Variants in SLC7A6 observed in about 807,000 individuals in gnomAD.
SLC7A6 encodes the protein solute carrier family 7 member 6.
SLC7A6 carries 29 observed loss-of-function variants against 46.6 expected under a neutral mutation model. The observed-to-expected ratio is 0.62, with a 90% CI of 0.46 to 0.85. The LOEUF (loss-of-function observed/expected upper bound fraction) is 0.85, where lower values mean the gene tolerates loss of function less well. Ranked by LOEUF, SLC7A6 falls within the 40% of genes least tolerant of loss-of-function variation. SLC7A6 has a pLI of 0.00. For synonymous variants in SLC7A6, 276 were observed against 257.3 expected (o/e 1.07, Z -0.70); for missense variants, 527 against 647.6 (o/e 0.81, Z 2.02).
chr16:68,287,136 C>G (rs959854531), intron 3 of SLC7A6, among the ~76,000 whole-genome samples: 4 of 151,938 alleles, frequency 2.6e-5, no homozygotes, highest in South Asian at 2.1e-4. Context: ...CACCACCACG[C>G]CCAGCTAATT....
chr16:68,266,810 CAG>C (rs1466531977), intron 2 of SLC7A6, 89 bp downstream of exon 2: 1 of 152,092 alleles, frequency 6.6e-6, no homozygotes, highest in Non-Finnish European at 1.5e-5. Context: ...TACTAGTAAA[CAG>C]AATGGCTTAC....
rs1300352556 is a variant in SLC7A6, at chr16:68,301,058, T to C, written c.*3730T>C. On this transcript the variant is annotated 3_prime_UTR_variant, in exon 11 of 11. Transcript: ENST00000219343. ...TTTTCTTTCAAACTGTAGGGTCACT[T>C]TTGATTGAGGCAAAGGGGTCCTACT... 8 of 1,223,390 alleles carry C rather than the reference T, an allele frequency of 6.5e-6. No individual in the cohort carries two copies. The highest frequency in any genetic ancestry group is 1.6e-5 in the African/African-American group (1 of 64,270). The allele number at this position is 1,223,390 out of a possible 1,614,324, so 75.8% of individuals were successfully genotyped here.
At position 68,264,635 on chromosome 16, in the gene SLC7A6, C is replaced by T. The variant is rs1365972583; in HGVS notation, c.-166+59C>T. ...AGCGGGGCCGGGGCTGGGCCGCGTT[C>T]TGTGGGAGCCGAACCCTGTGGGTCT... On this transcript the variant is annotated intron_variant, in intron 1 of 10. Transcript: ENST00000219343. This position sits in a 1 kb window ranked among gnomAD's most constrained non-coding sequence, Gnocchi z 5.8. 1 of 152,332 alleles carries T rather than the reference C, an allele frequency of 6.6e-6. No homozygotes were observed. Among genetic ancestry groups the T allele is most frequent in the Non-Finnish European group, 1.5e-5 (1 of 68,100 alleles). The allele number at this position is 152,332 out of a possible 1,614,324, so 9.4% of individuals were successfully genotyped here. A position where few individuals can be genotyped will look rare whatever the true frequency, so the allele number is the denominator to read the frequency against.
chr16:68,301,316 CCTT>C lies in SLC7A6; in HGVS notation c.*3991_*3993del, dbSNP rs747445254. 1.7e-5 allele frequency: 27 copies of C among 1,614,164 alleles called. No individual in the cohort carries two copies. The highest frequency in any genetic ancestry group is 2.2e-5 in the East Asian group (1 of 44,878). ...TCGTGGGGGCTGTCATAGCCGAACT[CCTT>C]CTGCACATCCAGAGGGTACTTGCTC... On this transcript the variant is annotated 3_prime_UTR_variant, in exon 11 of 11. Transcript: ENST00000219343.
In SLC7A6 at chr16:68,291,673, C is replaced by G; in HGVS notation, c.1022+12C>G. 1 of 1,608,420 alleles carries G rather than the reference C, an allele frequency of 6.2e-7. No homozygotes were observed. The highest frequency in any genetic ancestry group is 8.5e-7 in the Non-Finnish European group (1 of 1,175,020). On this transcript the variant is annotated intron_variant, in intron 7 of 10. Coordinates refer to ENST00000219343, the MANE Select transcript of SLC7A6 (RefSeq NM_003983.6). Reference sequence around the variant, plus strand: ...TTTGCTTCATCAAGGTACTGTGTCTCTGTGTCACTGATAATAGACCACAAT... The same window carrying G: ...TTTGCTTCATCAAGGTACTGTGTCTGTGTGTCACTGATAATAGACCACAAT...
chr16:68,299,130 T>C lies in SLC7A6; in HGVS notation c.*1802T>C, dbSNP rs994701293. 1 of 152,704 alleles carries C rather than the reference T, an allele frequency of 6.5e-6. No individual in the cohort carries two copies. The highest frequency in any genetic ancestry group is 1.5e-5 in the Non-Finnish European group (1 of 68,058). 9.5% of individuals were successfully genotyped at this position (152,704 alleles called of 1,614,324 possible). On this transcript the variant is annotated 3_prime_UTR_variant, in exon 11 of 11. Transcript: ENST00000219343. ...TCCTGCCCGACGACAGGGTGTCTTA[T>C]GCAAAGGCTGACTTGCCTGAACGCT... is the stretch of plus-strand genomic sequence containing the variant.
chr16:68,284,250 T>A (rs1029441963), intron 3 of SLC7A6: 3 of 152,246 alleles, frequency 2.0e-5, no homozygotes, highest in African/African-American at 7.2e-5. Context: ...CTTTTAAAAA[T>A]TTTCAGGGGC....
In SLC7A6 at chr16:68,301,306, T is replaced by C. The variant is rs2043269419; in HGVS notation, c.*3978T>C. 1 of 1,614,046 alleles carries C rather than the reference T, an allele frequency of 6.2e-7. No individual in the cohort carries two copies. Among genetic ancestry groups the C allele is most frequent in the South Asian group, 1.1e-5 (1 of 91,082 alleles). On this transcript the variant is annotated 3_prime_UTR_variant, in exon 11 of 11. Coordinates refer to ENST00000219343, the MANE Select transcript of SLC7A6 (RefSeq NM_003983.6). Reference sequence around the variant, plus strand: ...TGAATCCAGGTCGTGGGGGCTGTCATAGCCGAACTCCTTCTGCACATCCAG... The same window carrying C: ...TGAATCCAGGTCGTGGGGGCTGTCACAGCCGAACTCCTTCTGCACATCCAG...
At position 68,291,549 on chromosome 16, in the gene SLC7A6, T is replaced by C. The variant is rs755493957; in HGVS notation, c.919-9T>C. On this transcript the variant is annotated splice_polypyrimidine_tract_variant and intron_variant, in intron 6 of 10. Transcript: ENST00000219343. The stretch of plus-strand genomic sequence containing the variant: ...GCGTTTAAGTGCCTTTTCTGTGCCC[T>C]GCCCCCAGACATTTGCTGACCAGAC... 2 of 1,613,932 alleles carry C rather than the reference T, an allele frequency of 1.2e-6. No homozygotes were observed. The highest frequency in any genetic ancestry group is 4.5e-5 in the East Asian group (2 of 44,880).
At chr16:68,276,907 A>G (rs1190599030) in intron 3 of SLC7A6, among the ~76,000 whole-genome samples, 1 of 151,618 alleles carries the variant, frequency 6.6e-6, no homozygotes, top group Non-Finnish European at 1.5e-5. Context: ...AGATGGGAGG[A>G]TCTCTTGAGC....
intron 3 of SLC7A6, among the ~76,000 whole-genome samples, chr16:68,283,856 T>C (rs2042875165): frequency 6.6e-6 from 1 of 152,202 alleles, no homozygotes; most frequent in South Asian, 2.1e-4. Context: ...GGCCCAGTTG[T>C]TGACTTTGTT....
intron 3 of SLC7A6, among the ~76,000 whole-genome samples, chr16:68,285,907 T>C (rs1235155595): frequency 6.6e-6 from 1 of 151,594 alleles, no homozygotes; most frequent in Non-Finnish European, 1.5e-5. Flanking sequence ...GCCTGGACAA[T>C]ACAGCAAGAC....
intron 3 of SLC7A6, among the ~76,000 whole-genome samples, chr16:68,286,689 A>C (rs1407004510): frequency 6.6e-6 from 1 of 152,206 alleles, no homozygotes. Flanking sequence ...CTCTCAGCAC[A>C]GGGCCCAGAT....
chr16:68,291,396 A>G, intron 6 of SLC7A6, 64 bp downstream of exon 6: 1 of 1,602,516 alleles, frequency 6.2e-7, no homozygotes, highest in Non-Finnish European at 8.5e-7. Flanking sequence ...TGCACAGCTC[A>G]GTCTGTCTTA....
chr16:68,284,859 C>CTT (rs71384525), intron 3 of SLC7A6, among the ~76,000 whole-genome samples: 1 of 95,646 alleles, frequency 1.0e-5, no homozygotes, highest in African/African-American at 4.6e-5. Context: ...ATTTTCTCGT[C>CTT]TTTTTTTTTT....
intron 3 of SLC7A6, among the ~76,000 whole-genome samples, chr16:68,275,588 TC>T (rs2042698124): frequency 1.0e-5 from 1 of 95,814 alleles, no homozygotes; most frequent in African/African-American, 4.8e-5. Context: ...AGAGCAAAAC[TC>T]TGTCTCCAAA....
intron 3 of SLC7A6, among the ~76,000 whole-genome samples, chr16:68,286,267 A>G (rs967852598): frequency 1.2e-4 from 18 of 152,260 alleles, no homozygotes; most frequent in Admixed American, 1.2e-3. Context: ...AAGAAGCAGG[A>G]ATGCCATGTG....
Position 68,297,260 on chromosome 16 carries a change from C to G in SLC7A6, c.1480C>G (p.Leu494Val). The G allele has an allele frequency of 6.2e-7, 1 of 1,614,152 alleles. No homozygotes were observed. Among genetic ancestry groups the G allele is most frequent in the South Asian group, 1.1e-5 (1 of 91,084 alleles). The change falls in exon 11 of 11, where the codon CTT becomes GTT. Residue 494 changes from leucine to valine, a missense_variant. Transcript: ENST00000219343. ...TGCTATCACCAGAGGCACCCAGCAG[C>G]TTTGCTTTTGTGTCCTGACTGAGCT... Reference protein sequence around the residue: ...LAAITRGTQQLCFCVLTELDV... With the variant: ...LAAITRGTQQVCFCVLTELDV...
At chr16:68,288,912 C>T (rs555951607) in intron 4 of SLC7A6, among the ~76,000 whole-genome samples, 20 of 102,818 alleles carry the variant, frequency 1.9e-4, no homozygotes, top group African/African-American at 9.5e-4. Flanking sequence ...TGCAGTAAGC[C>T]GAGATTGTGC....
Sources: gnomAD v4.1 joint callset for allele counts (sites outside exome capture counted in the v4.1 genomes callset) on GRCh38, gnomAD v4.1.1 for gene constraint, Gnocchi (gnomAD v3.1) non-coding constraint, MANE v1.5 for transcripts, NCBI Gene and HGNC (gene_info 2026-07-23, HGNC 2026-07-21) for gene names.